The following EYA3 variants were observed in gnomAD, a reference collection of about 807,000 sequenced individuals.
EYA3 encodes EYA transcriptional coactivator and phosphatase 3.
A neutral mutation model predicts 80.0 loss-of-function variants in EYA3; 39 were observed. The ratio of observed to expected loss-of-function variants is 0.49; its 90% confidence interval spans 0.38 to 0.64. The LOEUF (loss-of-function observed/expected upper bound fraction) is 0.64. Among genes scored for constraint, EYA3 ranks in the 30% least tolerant of loss-of-function variants. EYA3 has a pLI of 0.00. For synonymous variants in EYA3, 206 were observed against 232.8 expected (o/e 0.88, Z 1.05); for missense variants, 523 against 676.1 (o/e 0.77, Z 2.51).
rs1640204348 is a variant in EYA3, at chr1:27,993,363, G to A, written c.1303+37C>T. ...GGAAAGAAAAGGAGGAAACCAGGAAGAAACAGAGAATCAGACTGGTTATAT... is the reference window on the plus strand; with the variant it reads ...GGAAAGAAAAGGAGGAAACCAGGAAAAAACAGAGAATCAGACTGGTTATAT... On this transcript the variant is annotated intron_variant, in intron 14 of 17. Coordinates refer to ENST00000373871, the MANE Select transcript of EYA3 (RefSeq NM_001990.4). 9.4e-6 allele frequency: 15 copies of A among 1,589,860 alleles called. No homozygotes were observed. In the East Asian group the frequency reaches 3.4e-4, roughly 36 times the overall value.
intron 1 of EYA3, among the ~76,000 whole-genome samples, chr1:28,062,875 G>A (rs145422412): frequency 7.2e-5 from 11 of 151,878 alleles, no homozygotes; most frequent in Admixed American, 3.3e-4. Flanking sequence ...GGTGGCACGC[G>A]CCTGTAATTC....
chr1:28,042,613 C>T lies in EYA3; in HGVS notation c.115G>A (p.Glu39Lys), dbSNP rs757674168. Reference sequence around the variant, plus strand: ...AGGTTTGAAGCAAGGCTTGATGTTTCAGGCTTCTGATCACTGACATCTGGA... The same window carrying T: ...AGGTTTGAAGCAAGGCTTGATGTTTTAGGCTTCTGATCACTGACATCTGGA... ...SNPDVSDQKP[E>K]TSSLASNLPM... The change falls in exon 4 of 18, where the codon GAA becomes AAA. Residue 39 changes from glutamate (E) to lysine (K), a missense_variant. Transcript: ENST00000373871. The T allele has an allele frequency of 1.2e-5, 19 of 1,614,074 alleles. No homozygotes were observed. Among genetic ancestry groups the T allele is most frequent in the Non-Finnish European group, 2.5e-6 (3 of 1,180,010 alleles).
chr1:28,042,544 C>T, intron 4 of EYA3, 27 bp downstream of exon 4: 3 of 1,592,230 alleles, frequency 1.9e-6, no homozygotes, highest in South Asian at 1.1e-5. Flanking sequence ...AATATCTGTT[C>T]AATCATGCAC....
chr1:28,003,814 C>CTTCTG (rs1240204919), intron 11 of EYA3, among the ~76,000 whole-genome samples: 2 of 152,106 alleles, frequency 1.3e-5, no homozygotes, highest in African/African-American at 4.8e-5. Context: ...AACAGCCCAT[C>CTTCTG]CTTCTGTTAA....
chr1:28,059,107 T>C (rs1288360361), intron 1 of EYA3, among the ~76,000 whole-genome samples: 1 of 152,196 alleles, frequency 6.6e-6, no homozygotes, highest in Non-Finnish European at 1.5e-5. Context: ...CAAAAACTTG[T>C]TATGCCAGTA....
chr1:28,035,510 A>G, intron 6 of EYA3, 34 bp downstream of exon 6: 1 of 1,600,212 alleles, frequency 6.2e-7, no homozygotes, highest in Non-Finnish European at 8.5e-7. Context: ...TAAAATCAAC[A>G]TTCTTAGAAA....
intron 16 of EYA3, 33 bp from the exon 17 acceptor site, chr1:27,978,507 C>T (rs768720787): frequency 2.8e-5 from 44 of 1,563,924 alleles, no homozygotes; most frequent in Admixed American, 2.0e-4. Flanking sequence ...TGTTAGAATA[C>T]TCTTCTCTTC....
chr1:27,995,507 T>TG (rs2148742396), intron 13 of EYA3, among the ~76,000 whole-genome samples: 1 of 137,626 alleles, frequency 7.3e-6, no homozygotes, highest in East Asian at 2.2e-4. Context: ...GGGGCTGAGG[T>TG]GGGTAGATTG....
At position 27,972,695 on chromosome 1, in the gene EYA3, G is replaced by A. The variant is rs1409265835; in HGVS notation, c.*1771C>T. On this transcript the variant is annotated 3_prime_UTR_variant, in exon 18 of 18. Coordinates refer to ENST00000373871, the MANE Select transcript of EYA3 (RefSeq NM_001990.4). ...CTCTCTGTGTAGCCTGGGAGAGGCT[G>A]AACTTCCTCAGCTCTAGGGAATTTT... The A allele has an allele frequency of 6.6e-6, 1 of 152,238 alleles. No individual in the cohort carries two copies. The highest frequency in any genetic ancestry group is 1.5e-5 in the Non-Finnish European group (1 of 68,056). The allele number at this position is 152,238 out of a possible 1,614,324, so 9.4% of individuals were successfully genotyped here. A position where few individuals can be genotyped will look rare whatever the true frequency, so the allele number is the denominator to read the frequency against.
At chr1:27,978,351 CTA>C in intron 17 of EYA3, 21 bp downstream of exon 17, 1 of 1,564,294 alleles carries the variant, frequency 6.4e-7, no homozygotes, top group Non-Finnish European at 8.8e-7. Flanking sequence ...ACCACATAGA[CTA>C]TTTTTCTTTA....
In EYA3 at chr1:27,978,622, G is replaced by A. The variant is rs1639101433; in HGVS notation, c.1541-148C>T. 3 of 600,786 alleles carry A rather than the reference G, an allele frequency of 5.0e-6. No homozygotes were observed. The South Asian group carries it at 6.2e-5, about 12-fold the overall frequency. The allele number at this position is 600,786 out of a possible 1,614,324, so 37.2% of individuals were successfully genotyped here. ...TGCTTGCTGGGGAGTAGGGATGGGA[G>A]CTAGAGATCCAGTAGACCCTCTGCC... is the stretch of plus-strand genomic sequence containing the variant. On this transcript the variant is annotated intron_variant, in intron 16 of 17. Coordinates refer to ENST00000373871, the MANE Select transcript of EYA3 (RefSeq NM_001990.4).
chr1:28,016,151 G>C (rs1417712403), intron 8 of EYA3, among the ~76,000 whole-genome samples: 1 of 152,170 alleles, frequency 6.6e-6, no homozygotes, highest in African/African-American at 2.4e-5. Context: ...GGGTCAAAAA[G>C]AAGAGCTATG....
chr1:27,973,056 C>T lies in EYA3; in HGVS notation c.*1410G>A, dbSNP rs920798207. 6.6e-6 allele frequency: 1 copy of T among 152,220 alleles called. No individual in the cohort carries two copies. Among genetic ancestry groups the T allele is most frequent in the East Asian group, 1.9e-4 (1 of 5,194 alleles). 9.4% of individuals were successfully genotyped at this position (152,220 alleles called of 1,614,324 possible). ...AACCTGTCTGTTTCTCCCTTCCCCC[C>T]ACAATCAGCAAAGTCTTTCTGGTTT... On this transcript the variant is annotated 3_prime_UTR_variant, in exon 18 of 18. Transcript: ENST00000373871.
At chr1:28,014,296 C>T (rs899262190) in intron 8 of EYA3, among the ~76,000 whole-genome samples, 4 of 151,370 alleles carry the variant, frequency 2.6e-5, no homozygotes, top group African/African-American at 7.3e-5. Context: ...CATGGTGATG[C>T]ACGCCTGTGG....
At position 28,058,098 on chromosome 1, in the gene EYA3, T is replaced by C; in HGVS notation, c.-68-4A>G. On this transcript the variant is annotated splice_polypyrimidine_tract_variant and splice_region_variant and intron_variant, in intron 1 of 17. Transcript: ENST00000373871. The stretch of plus-strand genomic sequence containing the variant: ...CTCTCTCAGCAGTTTTCACAATCTG[T>C]TTTTAAAAAGGAGGATTCAAAGCTT... The C allele has an allele frequency of 2.3e-6, 3 of 1,305,824 alleles. No homozygotes were observed. The highest frequency in any genetic ancestry group is 3.2e-6 in the Non-Finnish European group (3 of 943,552). 80.9% of individuals were successfully genotyped at this position (1,305,824 alleles called of 1,614,324 possible). A position where few individuals can be genotyped will look rare whatever the true frequency, so the allele number is the denominator to read the frequency against.
At chr1:28,003,758 G>A (rs918388328) in intron 11 of EYA3, among the ~76,000 whole-genome samples, 2 of 152,036 alleles carry the variant, frequency 1.3e-5, no homozygotes, top group African/African-American at 2.4e-5. Context: ...AAAAACATGA[G>A]CTTGGAGGTA....
intron 6 of EYA3, among the ~76,000 whole-genome samples, chr1:28,031,512 G>A (rs1571850207): frequency 6.6e-6 from 1 of 152,306 alleles, no homozygotes; most frequent in East Asian, 1.9e-4. Context: ...CCTTCCTGAT[G>A]CCCCCAGAAT....
intron 4 of EYA3, among the ~76,000 whole-genome samples, chr1:28,041,034 T>C (rs1571873366): frequency 6.6e-6 from 1 of 152,172 alleles, no homozygotes; most frequent in Admixed American, 6.5e-5. Flanking sequence ...ATAGCCTCTA[T>C]ATCTGACAAG....
Position 27,971,078 on chromosome 1 carries a change from C to G in EYA3, c.*3388G>C, listed in dbSNP as rs866045371. 4.2e-4 allele frequency: 64 copies of G among 152,192 alleles called. No individual in the cohort carries two copies. The highest frequency in any genetic ancestry group is 1.5e-3 in the African/African-American group (61 of 41,432). 9.4% of individuals were successfully genotyped at this position (152,192 alleles called of 1,614,324 possible). On this transcript the variant is annotated 3_prime_UTR_variant, in exon 18 of 18. Coordinates refer to ENST00000373871, the MANE Select transcript of EYA3 (RefSeq NM_001990.4). ...CTAGCTTTACAGAAGACAGGAACGCCGCAAATCAAACAAAAGCCCAGATGG... is the reference window on the plus strand; with the variant it reads ...CTAGCTTTACAGAAGACAGGAACGCGGCAAATCAAACAAAAGCCCAGATGG...
Sources: allele counts gnomAD v4.1 joint callset (sites outside exome capture counted in the v4.1 genomes callset), GRCh38; gene constraint gnomAD v4.1.1; transcripts MANE v1.5; gene names NCBI Gene and HGNC (gene_info 2026-07-23, HGNC 2026-07-21).